The following TAFA5 variants were observed in gnomAD, a reference collection of about 807,000 sequenced individuals.
TAFA5 encodes TAFA chemokine like family member 5.
Under a neutral mutation model 15.3 loss-of-function variants are expected in TAFA5, and 6 were observed. The ratio of observed to expected loss-of-function variants is 0.39; its 90% CI spans 0.21 to 0.77. The LOEUF (loss-of-function observed/expected upper bound fraction) is 0.77. Ranked by LOEUF, TAFA5 falls within the 30% of genes least tolerant of loss-of-function variation. The pLI is 0.41. For synonymous variants in TAFA5, 103 were observed against 80.7 expected, an observed-to-expected ratio of 1.28 and a Z score of -1.48; for missense variants, 161 against 193.1, an observed-to-expected ratio of 0.83 and a Z score of 0.98.
chr22:48,510,505 A>T (rs1277738436), intron 1 of TAFA5, among the ~76,000 whole-genome samples: 1 of 152,264 alleles, frequency 6.6e-6, no homozygotes, highest in Non-Finnish European at 1.5e-5. Flanking sequence ...AGCTGCGAGA[A>T]GGAAATGTGA....
intron 1 of TAFA5, among the ~76,000 whole-genome samples, chr22:48,612,877 G>T (rs746145199): frequency 1.3e-5 from 2 of 152,166 alleles, no homozygotes; most frequent in Non-Finnish European, 2.9e-5. Context: ...ACGGCCGACT[G>T]GTCATCGTGG....
chr22:48,687,434 A>G (rs1369099417), intron 2 of TAFA5, among the ~76,000 whole-genome samples: 2 of 102,468 alleles, frequency 2.0e-5, no homozygotes, highest in African/African-American at 7.7e-5. Flanking sequence ...AGATGGATGG[A>G]TTGGTGGCAG....
At chr22:48,590,889 T>A (rs1924543299) in intron 1 of TAFA5, among the ~76,000 whole-genome samples, 1 of 151,914 alleles carries the variant, frequency 6.6e-6, no homozygotes, top group South Asian at 2.1e-4. Flanking sequence ...TTTCACTCTG[T>A]CATCCAGGCT....
intron 1 of TAFA5, among the ~76,000 whole-genome samples, chr22:48,639,614 G>A (rs941072105): frequency 2.0e-5 from 3 of 152,138 alleles, no homozygotes; most frequent in African/African-American, 7.2e-5. Context: ...TGGAGCCTGG[G>A]CCTGATCTAT....
intron 1 of TAFA5, among the ~76,000 whole-genome samples, chr22:48,608,163 C>G (rs1334827082): frequency 6.6e-6 from 1 of 151,896 alleles, no homozygotes; most frequent in Non-Finnish European, 1.5e-5. Context: ...GGTCTCTTTT[C>G]AAGACCCACC....
intron 1 of TAFA5, among the ~76,000 whole-genome samples, chr22:48,556,227 C>T (rs1362091349): frequency 6.6e-6 from 1 of 152,150 alleles, no homozygotes; most frequent in Non-Finnish European, 1.5e-5. Context: ...AGGCGGGTCC[C>T]TCACAGCAAG....
Position 48,688,638 on chromosome 22 carries a change from C to T in TAFA5, c.263-19079C>T, listed in dbSNP as rs542251753. Among the ~76,000 whole-genome samples, 5 of 152,248 alleles carry T rather than the reference C, an allele frequency of 3.3e-5. No individual in the cohort carries two copies. The South Asian group carries it at 6.2e-4, about 19-fold the overall frequency. Reference sequence around the variant, plus strand: ...GGTTCATTTCTAAGTAAGCTCCTTGCTTAGCTGAAAGGAGAGTCTTGACTT... The same window carrying T: ...GGTTCATTTCTAAGTAAGCTCCTTGTTTAGCTGAAAGGAGAGTCTTGACTT... On this transcript the variant is annotated intron_variant, in intron 2 of 3. Coordinates refer to ENST00000402357, the MANE Select transcript of TAFA5 (RefSeq NM_001082967.3).
At chr22:48,720,268 T>C (rs1043750920) in intron 3 of TAFA5, among the ~76,000 whole-genome samples, 1 of 152,062 alleles carries the variant, frequency 6.6e-6, no homozygotes, top group African/African-American at 2.4e-5. Context: ...AGTGCCTCCT[T>C]CTCCTTTTCC....
intron 3 of TAFA5, among the ~76,000 whole-genome samples, chr22:48,747,639 G>C (rs948837894): frequency 6.6e-6 from 1 of 152,154 alleles, no homozygotes; most frequent in Non-Finnish European, 1.5e-5. Context: ...GCTCATGCCT[G>C]TAATCCCAGC....
At position 48,665,680 on chromosome 22, in the gene TAFA5, A is replaced by C. The variant is rs556118328; in HGVS notation, c.262+18934A>C. On this transcript the variant is annotated intron_variant, in intron 2 of 3. Coordinates refer to ENST00000402357, the MANE Select transcript of TAFA5 (RefSeq NM_001082967.3). ...ATAATGGTTTTATGTAAAGTTCTGA[A>C]ACACTTTAGAGAGACAGAATGGAAG... 2.6e-5 allele frequency among the ~76,000 whole-genome samples: 4 copies of C among 152,296 alleles called. 1 individual carries two copies. The East Asian group carries it at 5.8e-4, about 22-fold the overall frequency.
intron 1 of TAFA5, among the ~76,000 whole-genome samples, chr22:48,505,341 T>A (rs1207705733): frequency 6.6e-6 from 1 of 152,154 alleles, no homozygotes; most frequent in Non-Finnish European, 1.5e-5. Flanking sequence ...GGATCCATCA[T>A]CTACACAAAA....
At chr22:48,603,180 G>A (rs1022923378) in intron 1 of TAFA5, among the ~76,000 whole-genome samples, 14 of 152,232 alleles carry the variant, frequency 9.2e-5, no homozygotes, top group Admixed American at 2.6e-4. Context: ...ATGGGTGCCC[G>A]TGCATTCCTC....
At chr22:48,627,652 A>G (rs1926072830) in intron 1 of TAFA5, among the ~76,000 whole-genome samples, 1 of 152,208 alleles carries the variant, frequency 6.6e-6, no homozygotes, top group South Asian at 2.1e-4. Context: ...ACGCTGTTGG[A>G]CCCAGCAGCC....
intron 1 of TAFA5, among the ~76,000 whole-genome samples, chr22:48,588,141 A>C (rs1184599338): frequency 6.6e-6 from 1 of 152,150 alleles, no homozygotes; most frequent in African/African-American, 2.4e-5. Flanking sequence ...TTGGCCTTGA[A>C]GTGTGGAGAA....
At chr22:48,701,128 G>A (rs1455906189) in intron 2 of TAFA5, among the ~76,000 whole-genome samples, 2 of 152,272 alleles carry the variant, frequency 1.3e-5, no homozygotes, top group East Asian at 1.9e-4. Flanking sequence ...TGCCCGAGGC[G>A]GCACACAGCT....
At chr22:48,630,440 C>T (rs968626008) in intron 1 of TAFA5, among the ~76,000 whole-genome samples, 1 of 152,122 alleles carries the variant, frequency 6.6e-6, no homozygotes, top group Admixed American at 6.5e-5. Context: ...TTGGGGCGTG[C>T]GTGGCCTTTA....
At chr22:48,634,861 C>A (rs1206036149) in intron 1 of TAFA5, among the ~76,000 whole-genome samples, 1 of 152,242 alleles carries the variant, frequency 6.6e-6, no homozygotes, top group Non-Finnish European at 1.5e-5. Flanking sequence ...GAAGTGCAGC[C>A]CTTGTTGGGC....
At chr22:48,665,980 T>G (rs2147217927) in intron 2 of TAFA5, among the ~76,000 whole-genome samples, 1 of 152,132 alleles carries the variant, frequency 6.6e-6, no homozygotes, top group East Asian at 2.0e-4. Flanking sequence ...AGCCTAGCCC[T>G]GGCCTCCTAC....
At chr22:48,715,728 G>A (rs1312259534) in intron 3 of TAFA5, among the ~76,000 whole-genome samples, 3 of 152,190 alleles carry the variant, frequency 2.0e-5, no homozygotes, top group South Asian at 2.1e-4. Flanking sequence ...CGACCCAGGC[G>A]CCTCAAGAGA....
Sources: allele counts gnomAD v4.1 joint callset (sites outside exome capture counted in the v4.1 genomes callset), GRCh38; gene constraint gnomAD v4.1.1; transcripts MANE v1.5; gene names NCBI Gene and HGNC (gene_info 2026-07-23, HGNC 2026-07-21).